DPP10: variants seen among roughly 807,000 people sequenced by gnomAD.
DPP10 encodes dipeptidyl peptidase like 10, also known as inactive dipeptidyl peptidase 10.
DPP10 carries 33 observed loss-of-function variants against 120.9 expected under a neutral mutation model. The observed-to-expected ratio is 0.27, with a 90% CI of 0.21 to 0.37. The LOEUF (loss-of-function observed/expected upper bound fraction) is 0.37. DPP10 is among the 10% of genes least tolerant of loss of function. The pLI, the probability that DPP10 is intolerant of heterozygous loss-of-function variation, is 1.00. For synonymous variants in DPP10, 337 were observed against 326.1 expected (o/e 1.03, Z -0.36); for missense variants, 816 against 942.8 (o/e 0.87, Z 1.76).
intron 1 of DPP10, among the ~76,000 whole-genome samples, chr2:115,013,842 A>C (rs1263901402): frequency 1.3e-5 from 2 of 152,126 alleles, no homozygotes; most frequent in Admixed American, 6.5e-5. Flanking sequence ...AAATTCATCA[A>C]GAAAGTTCTT....
intron 3 of DPP10, among the ~76,000 whole-genome samples, chr2:115,498,273 T>G (rs1259785784): frequency 2.0e-5 from 3 of 151,944 alleles, no homozygotes; most frequent in Admixed American, 2.0e-4. Context: ...GAAAACAAAC[T>G]TCAGCTTTGC....
chr2:115,129,078 C>T (rs1013932740), intron 1 of DPP10, among the ~76,000 whole-genome samples: 2 of 152,170 alleles, frequency 1.3e-5, no homozygotes, highest in Admixed American at 6.5e-5. Flanking sequence ...TCATGACACT[C>T]GGTCCTTGCT....
At chr2:115,632,949 G>C (rs549349819) in intron 5 of DPP10, among the ~76,000 whole-genome samples, 1 of 152,208 alleles carries the variant, frequency 6.6e-6, no homozygotes, top group East Asian at 1.9e-4. Flanking sequence ...TGGAGAGGAT[G>C]TGGAGAAATA....
At chr2:115,177,091 G>A (rs544603998) in intron 1 of DPP10, among the ~76,000 whole-genome samples, 15 of 152,156 alleles carry the variant, frequency 9.9e-5, no homozygotes, top group Admixed American at 7.8e-4. Context: ...TTTTAAATTC[G>A]TTTGTCATCC....
intron 14 of DPP10, 139 bp downstream of exon 14, chr2:115,777,438 C>T (rs982578528): frequency 1.3e-5 from 9 of 705,636 alleles, no homozygotes; most frequent in Admixed American, 2.8e-5. Flanking sequence ...CTTTAAAGAC[C>T]TCTTCCACAC....
At chr2:115,749,872 G>C in intron 10 of DPP10, 1 of 414,368 alleles carries the variant, frequency 2.4e-6, no homozygotes, top group African/African-American at 2.2e-5. Flanking sequence ...GTGATGCTGG[G>C]GCCTCCATTC....
rs147257343 is a variant in DPP10, at chr2:115,464,585, T to C, written c.272-34925T>C. 7.4e-3 allele frequency among the ~76,000 whole-genome samples: 1,122 copies of C among 152,184 alleles called. 6 individuals carry two copies. Among genetic ancestry groups the C allele is most frequent in the African/African-American group, 0.025 (1,028 of 41,530 alleles). On this transcript the variant is annotated intron_variant, in intron 3 of 25. Transcript: ENST00000410059. The stretch of plus-strand genomic sequence containing the variant: ...CCCCAGCCTGTATGTTGAAACTGTT[T>C]ACACATGCTACTCCTCAGGCCCAGA...
chr2:115,384,691 A>T (rs1050455295), intron 3 of DPP10, among the ~76,000 whole-genome samples: 11 of 143,472 alleles, frequency 7.7e-5, no homozygotes, highest in African/African-American at 2.8e-4. Context: ...GAGGAAGAAG[A>T]AGAAAAAGAA....
At chr2:115,277,260 T>G (rs1213806347) in intron 1 of DPP10, among the ~76,000 whole-genome samples, 1 of 152,086 alleles carries the variant, frequency 6.6e-6, no homozygotes, top group Non-Finnish European at 1.5e-5. Flanking sequence ...GACTTACCAT[T>G]TCAGAAAGTC....
At chr2:114,980,728 TC>T (rs1293978742) in intron 1 of DPP10, among the ~76,000 whole-genome samples, 30 of 151,178 alleles carry the variant, frequency 2.0e-4, no homozygotes, top group Admixed American at 2.0e-3. Context: ...CAAATCCAAC[TC>T]TTAACAATAA....
At chr2:115,016,604 A>G (rs911664816) in intron 1 of DPP10, among the ~76,000 whole-genome samples, 30 of 152,122 alleles carry the variant, frequency 2.0e-4, no homozygotes, top group Non-Finnish European at 7.3e-5. Context: ...CAATATACTC[A>G]TCTGACAAAG....
intron 1 of DPP10, among the ~76,000 whole-genome samples, chr2:115,208,201 T>A (rs2105335254): frequency 7.2e-6 from 1 of 139,764 alleles, no homozygotes; most frequent in Admixed American, 7.5e-5. Context: ...CTTTTTTTTT[T>A]TTTCTTTTTT....
At chr2:115,238,524 T>C (rs1270527106) in intron 1 of DPP10, among the ~76,000 whole-genome samples, 1 of 152,122 alleles carries the variant, frequency 6.6e-6, no homozygotes, top group African/African-American at 2.4e-5. Context: ...CCAACCCTCA[T>C]GAATGACTTT....
intron 1 of DPP10, among the ~76,000 whole-genome samples, chr2:114,852,973 C>T (rs1421366914): frequency 2.0e-5 from 3 of 152,166 alleles, no homozygotes; most frequent in Non-Finnish European, 4.4e-5. Flanking sequence ...AACACCTGTG[C>T]AGGCTGTGTT....
chr2:115,638,705 A>G (rs531465368), intron 5 of DPP10, among the ~76,000 whole-genome samples: 7 of 152,274 alleles, frequency 4.6e-5, no homozygotes, highest in Admixed American at 4.6e-4. Context: ...CCTTGCTATT[A>G]TCTGGACCAA....
chr2:115,075,782 A>T (rs1707739440), intron 1 of DPP10, among the ~76,000 whole-genome samples: 1 of 150,534 alleles, frequency 6.6e-6, no homozygotes, highest in Non-Finnish European at 1.5e-5. Context: ...TTAAAATTCT[A>T]TTTCTGTATA....
chr2:114,832,574 C>A (rs575936863), intron 1 of DPP10, among the ~76,000 whole-genome samples: 1 of 152,260 alleles, frequency 6.6e-6, no homozygotes, highest in African/African-American at 2.4e-5. Context: ...AACAAATTAC[C>A]TTTAACTTAG....
At chr2:114,652,802 A>G (rs1324585007) in intron 1 of DPP10, among the ~76,000 whole-genome samples, 1 of 152,068 alleles carries the variant, frequency 6.6e-6, no homozygotes, top group African/African-American at 2.4e-5. Context: ...CTGATTTTAG[A>G]GCTTGTGTTC....
At chr2:115,255,323 G>A (rs1056585077) in intron 1 of DPP10, among the ~76,000 whole-genome samples, 3 of 152,096 alleles carry the variant, frequency 2.0e-5, no homozygotes, top group African/African-American at 2.4e-5. Context: ...GAGACAGAGC[G>A]CCGAGACCCT....
Sources: gnomAD v4.1 joint callset for allele counts (sites outside exome capture counted in the v4.1 genomes callset) on GRCh38, gnomAD v4.1.1 for gene constraint, MANE v1.5 for transcripts, NCBI Gene and HGNC (gene_info 2026-07-23, HGNC 2026-07-21) for gene names.